The following PHF7 variants were observed in gnomAD, a reference collection of about 807,000 sequenced individuals.
PHF7 encodes the protein PHD finger protein 7.
In PHF7, 24 loss-of-function variants were observed where a neutral mutation model predicts 47.5. The observed-to-expected ratio is 0.51, with a 90% CI of 0.37 to 0.71. The LOEUF (loss-of-function observed/expected upper bound fraction) is 0.71, where lower values mean the gene tolerates loss of function less well. PHF7 is among the 30% of genes least tolerant of loss of function. PHF7 has a pLI of 0.00. For missense variants in PHF7, 361 were observed against 456.8 expected (o/e 0.79, Z 1.91); for synonymous variants, 156 against 153.8 (o/e 1.01, Z -0.11).
intron 7 of PHF7, 84 bp downstream of exon 7, chr3:52,421,146 G>A: frequency 1.6e-6 from 2 of 1,275,876 alleles, no homozygotes; most frequent in East Asian, 2.4e-5. Flanking sequence ...ATGCTCAGGT[G>A]TGCCTCAGCT....
chr3:52,411,632 T>A (rs1705439318), intron 1 of PHF7, among the ~76,000 whole-genome samples: 1 of 152,254 alleles, frequency 6.6e-6, no homozygotes, highest in Non-Finnish European at 1.5e-5. Context: ...GCCCTCCTTC[T>A]AAGAAATGCT....
rs767835914 is a variant in PHF7, at chr3:52,423,147, G to T, written c.976G>T (p.Glu326Ter). 1 of 1,613,994 alleles carries T rather than the reference G, an allele frequency of 6.2e-7. No individual in the cohort carries two copies. The highest frequency in any genetic ancestry group is 8.5e-7 in the Non-Finnish European group (1 of 1,179,974). Reference sequence around the variant, plus strand: ...TTGCTGCAGCAGCACCTTCCACCCTGAGGAACATTTCTGCAGAGACAACAC... The same window carrying T: ...TTGCTGCAGCAGCACCTTCCACCCTTAGGAACATTTCTGCAGAGACAACAC... Reference protein sequence around the residue: ...IPCCSSTFHPEEHFCRDNTLE... With the variant: ...IPCCSSTFHP Residue 326 changes from glutamate (E) to a stop codon, truncating the protein, a stop_gained, in exon 11 of 11, where the codon GAG becomes TAG. Transcript: ENST00000327906. LOFTEE classifies it low-confidence loss of function (END_TRUNC).
chr3:52,419,365 G>GCCA (rs1213538479), intron 4 of PHF7, among the ~76,000 whole-genome samples: 6 of 151,964 alleles, frequency 3.9e-5, no homozygotes, highest in African/African-American at 1.5e-4. Context: ...CATGGTTGGT[G>GCCA]CCATGTAAGC....
chr3:52,414,448 AT>A (rs1272982680), intron 3 of PHF7, 47 bp from the exon 4 acceptor site: 1 of 1,056,490 alleles, frequency 9.5e-7, no homozygotes, highest in East Asian at 2.4e-5. Context: ...CTTCTCTTCC[AT>A]TCTTAATGGT....
rs752452077 is a variant in PHF7, at chr3:52,412,900, G to T, written c.21G>T (p.Lys7Asn). ...ACCGAATGAAGACTGTAAAAGAAAA[G>T]AAGGAATGCCAGAGATTGAGGTAGA... is the stretch of plus-strand genomic sequence containing the variant. The part of the protein sequence containing the change: MKTVKE[K>N]KECQRLRKSA... Residue 7 changes from lysine (K) to asparagine (N), a missense_variant, in exon 2 of 11, where the codon AAG becomes AAT. Transcript: ENST00000327906. 1.9e-6 allele frequency: 3 copies of T among 1,610,626 alleles called. No individual in the cohort carries two copies. Among genetic ancestry groups the T allele is most frequent in the Admixed American group, 3.3e-5 (2 of 60,012 alleles).
rs373232253 is a variant in PHF7, at chr3:52,417,095, G to A, written c.186+2508G>A. 9.9e-5 allele frequency among the ~76,000 whole-genome samples: 15 copies of A among 152,154 alleles called. No individual in the cohort carries two copies. The East Asian group carries it at 2.1e-3, about 21-fold the overall frequency. ...CTTTACCTACCCATAGAATTGCCTT[G>A]GTGCCTTTGTCAAAATCAATTGACC... On this transcript the variant is annotated intron_variant, in intron 4 of 10. Coordinates refer to ENST00000327906, the MANE Select transcript of PHF7 (RefSeq NM_016483.7).
In PHF7 at chr3:52,421,668, A is replaced by T; in HGVS notation, c.594A>T (p.Ala198=). The part of the protein sequence containing the change: ...KCIQKYAHTS[A]KHFFKCPQCN... ...TACAGAAATATGCCCACACATCAGC[A>T]AAGCATTTCTTCAAATGTCCACAGT... The change falls in exon 8 of 11, where the codon GCA becomes GCT. Residue 198 remains alanine (A), a synonymous_variant. Transcript: ENST00000327906. 32 of 1,604,524 alleles carry T rather than the reference A, an allele frequency of 2.0e-5. No individual in the cohort carries two copies. The highest frequency in any genetic ancestry group is 2.7e-5 in the Non-Finnish European group (32 of 1,171,220).
At chr3:52,418,759 C>T (rs976559594) in intron 4 of PHF7, among the ~76,000 whole-genome samples, 4 of 151,940 alleles carry the variant, frequency 2.6e-5, no homozygotes, top group Non-Finnish European at 5.9e-5. Context: ...TGCACCTCAG[C>T]GGCCTCCTCT....
At chr3:52,414,149 C>G in intron 3 of PHF7, 101 bp downstream of exon 3, 1 of 764,350 alleles carries the variant, frequency 1.3e-6, no homozygotes, top group Non-Finnish European at 2.3e-6. Context: ...TCTCTCCCAG[C>G]CCTACTTCCT....
intron 4 of PHF7, among the ~76,000 whole-genome samples, chr3:52,416,855 G>A (rs1705642302): frequency 6.6e-6 from 1 of 151,090 alleles, no homozygotes; most frequent in Non-Finnish European, 1.5e-5. Context: ...AAAAAATTGA[G>A]TGGTTTTATT....
In PHF7 at chr3:52,422,785, A is replaced by G. The variant is rs766242920; in HGVS notation, c.823A>G (p.Thr275Ala). Residue 275 changes from threonine to alanine, a missense_variant, in exon 10 of 11, where the codon ACA (threonine) becomes GCA (alanine). Thr to Ala is a moderately conservative substitution (Grantham distance 58). Coordinates refer to ENST00000327906, the MANE Select transcript of PHF7 (RefSeq NM_016483.7). The stretch of plus-strand genomic sequence containing the variant: ...GAGGTGGTGCCTCATTCTGTGTGCT[A>G]CATGCGGATCCCACGGAACCCACAG... ...EGRWCLILCA[T>A]CGSHGTHRDC... 1.2e-6 allele frequency: 2 copies of G among 1,614,040 alleles called. No homozygotes were observed. Among genetic ancestry groups the G allele is most frequent in the Non-Finnish European group, 1.7e-6 (2 of 1,179,924 alleles).
intron 1 of PHF7, 130 bp from the exon 2 acceptor site, chr3:52,412,680 AG>A: frequency 1.7e-6 from 1 of 574,434 alleles, no homozygotes; most frequent in Non-Finnish European, 3.1e-6. Context: ...ACACATGTCA[AG>A]TACCTAGAAC....
chr3:52,416,576 T>G (rs1206426667), intron 4 of PHF7, among the ~76,000 whole-genome samples: 1 of 151,204 alleles, frequency 6.6e-6, no homozygotes, highest in Non-Finnish European at 1.5e-5. Flanking sequence ...GGCTCACGCC[T>G]GTAATCCCAG....
Position 52,422,218 on chromosome 3 carries a change from G to A in PHF7, c.681-4G>A, listed in dbSNP as rs1233682982. 5 of 1,591,548 alleles carry A rather than the reference G, an allele frequency of 3.1e-6. No individual in the cohort carries two copies. Among genetic ancestry groups the A allele is most frequent in the South Asian group, 2.2e-5 (2 of 90,608 alleles). ...CTTATTCACTGTTTCTTCTCCCACT[G>A]CAGAGATGCTGCCTGGGAACTCGAG... On this transcript the variant is annotated splice_polypyrimidine_tract_variant and splice_region_variant and intron_variant, in intron 8 of 10. Coordinates refer to ENST00000327906, the MANE Select transcript of PHF7 (RefSeq NM_016483.7).
chr3:52,415,849 T>C (rs1452211153), intron 4 of PHF7, among the ~76,000 whole-genome samples: 1 of 152,268 alleles, frequency 6.6e-6, no homozygotes, highest in Non-Finnish European at 1.5e-5. Flanking sequence ...TAAGCATTCA[T>C]GTACAAGTCT....
At chr3:52,412,328 C>T (rs1705474072) in intron 1 of PHF7, among the ~76,000 whole-genome samples, 1 of 152,168 alleles carries the variant, frequency 6.6e-6, no homozygotes, top group African/African-American at 2.4e-5. Flanking sequence ...AAAAAGCTAC[C>T]TTATCTAGCT....
intron 6 of PHF7, 96 bp from the exon 7 acceptor site, chr3:52,420,807 G>A: frequency 9.2e-7 from 1 of 1,088,980 alleles, no homozygotes. Context: ...GGTTCACTGG[G>A]CACCAGCCTG....
chr3:52,415,601 A>G (rs184026828), intron 4 of PHF7, among the ~76,000 whole-genome samples: 1 of 152,332 alleles, frequency 6.6e-6, no homozygotes, highest in African/African-American at 2.4e-5. Flanking sequence ...ATTTTTGGCT[A>G]TTCTTTTACT....
At position 52,421,766 on chromosome 3, in the gene PHF7, C is replaced by T; in HGVS notation, c.680+12C>T. The T allele has an allele frequency of 7.0e-6, 10 of 1,428,950 alleles. No homozygotes were observed. Among genetic ancestry groups the T allele is most frequent in the Non-Finnish European group, 9.9e-6 (10 of 1,011,230 alleles). 88.5% of individuals were successfully genotyped at this position (1,428,950 alleles called of 1,614,324 possible). A position where few individuals can be genotyped will look rare whatever the true frequency, so the allele number is the denominator to read the frequency against. The stretch of plus-strand genomic sequence containing the variant: ...CATATTCCAGACAGGTAGTGGGAAC[C>T]CCAAAGCAGGAACTGAGCCAGGGAG... On this transcript the variant is annotated intron_variant, in intron 8 of 10. Transcript: ENST00000327906.
Sources: allele counts gnomAD v4.1 joint callset (sites outside exome capture counted in the v4.1 genomes callset), GRCh38; gene constraint gnomAD v4.1.1; transcripts MANE v1.5; gene names NCBI Gene and HGNC (gene_info 2026-07-23, HGNC 2026-07-21).